The following LCT variants were observed in gnomAD, a reference collection of about 807,000 sequenced individuals.
The protein encoded by LCT is lactase.
A neutral mutation model predicts 173.0 loss-of-function variants in LCT; 90 were observed. The ratio of observed to expected loss-of-function variants is 0.52; its 90% confidence interval spans 0.44 to 0.62. The LOEUF is 0.62. LCT is among the 20% of genes least tolerant of loss of function. The pLI, the probability that LCT is intolerant of heterozygous loss-of-function variation, is 0.00. For synonymous variants in LCT, 853 were observed against 957.6 expected, an observed-to-expected ratio of 0.89 and a Z score of 2.02; for missense variants, 1,864 against 2,431.4, an observed-to-expected ratio of 0.77 and a Z score of 4.91.
At chr2:135,789,184 C>T (rs2077515240) in intron 16 of LCT, among the ~76,000 whole-genome samples, 1 of 152,234 alleles carries the variant, frequency 6.6e-6, no homozygotes, top group Non-Finnish European at 1.5e-5. Flanking sequence ...TATACTCTTA[C>T]ATTTAACAAA....
At chr2:135,829,255 C>T (rs79633114) in intron 3 of LCT, among the ~76,000 whole-genome samples, 26,428 of 151,994 alleles carry the variant, frequency 0.17, 2,627 homozygotes, top group Middle Eastern at 0.4. Flanking sequence ...GGACGCTTAT[C>T]GTTATGGAAC....
chr2:135,798,044 C>T lies in LCT; in HGVS notation c.4961G>A (p.Gly1654Asp). 6.2e-7 allele frequency: 1 copy of T among 1,606,830 alleles called. No individual in the cohort carries two copies. Among genetic ancestry groups the T allele is most frequent in the Non-Finnish European group, 8.5e-7 (1 of 1,173,328 alleles). ...TRIRDRSLAA[G>D]LNKSRLPEFT... Reference sequence around the variant, plus strand: ...AGGCCCTTACCGAGACTTGTTGAGGCCTGCAGCCAAGCTCCTGTCACGGAT... The same window carrying T: ...AGGCCCTTACCGAGACTTGTTGAGGTCTGCAGCCAAGCTCCTGTCACGGAT... Residue 1654 changes from glycine to aspartate, a missense_variant, in exon 13 of 17, where the codon GGC (glycine) becomes GAC (aspartate). By Grantham distance (94) the Gly-to-Asp change is moderately conservative. Coordinates refer to ENST00000264162, the MANE Select transcript of LCT (RefSeq NM_002299.4).
At chr2:135,794,830 A>C (rs2077567008) in intron 13 of LCT, 55 bp from the exon 14 acceptor site, 7 of 1,608,390 alleles carry the variant, frequency 4.4e-6, no homozygotes, top group Non-Finnish European at 5.1e-6. Context: ...TGCTTTGAGA[A>C]GAGAACGTCA....
intron 5 of LCT, among the ~76,000 whole-genome samples, chr2:135,818,800 G>A (rs1041860570): frequency 1.3e-5 from 2 of 152,182 alleles, no homozygotes; most frequent in South Asian, 4.1e-4. Flanking sequence ...TCACGCCATT[G>A]CACTCCAGCC....
chr2:135,832,013 T>C (rs1201978044), intron 2 of LCT, among the ~76,000 whole-genome samples: 1 of 152,138 alleles, frequency 6.6e-6, no homozygotes, highest in African/African-American at 2.4e-5. Flanking sequence ...GGTCAGGAGT[T>C]TGAGACAAGC....
intron 11 of LCT, among the ~76,000 whole-genome samples, chr2:135,802,532 T>C (rs2077635451): frequency 6.6e-6 from 1 of 152,162 alleles, no homozygotes; most frequent in Non-Finnish European, 1.5e-5. Context: ...TATACAGCCA[T>C]AAAGAAGGAT....
chr2:135,802,489 A>G (rs1443503140), intron 11 of LCT, among the ~76,000 whole-genome samples: 1 of 152,274 alleles, frequency 6.6e-6, no homozygotes, highest in Non-Finnish European at 1.5e-5. Context: ...TGAATGGATA[A>G]AGAAAATGTG....
chr2:135,828,997 C>T (rs1021162062), intron 3 of LCT, among the ~76,000 whole-genome samples: 4 of 152,108 alleles, frequency 2.6e-5, no homozygotes, highest in Non-Finnish European at 4.4e-5. Flanking sequence ...TTGAGACCAA[C>T]GTGACCAACA....
intron 7 of LCT, among the ~76,000 whole-genome samples, chr2:135,811,739 C>T (rs1325706561): frequency 6.7e-6 from 1 of 149,544 alleles, no homozygotes; most frequent in Non-Finnish European, 1.5e-5. Flanking sequence ...GGCTTGATGA[C>T]TGCATAGGAC....
intron 12 of LCT, among the ~76,000 whole-genome samples, chr2:135,799,479 C>CTT (rs745994855): frequency 2.1e-5 from 3 of 142,312 alleles, no homozygotes; most frequent in Admixed American, 7.1e-5. Flanking sequence ...CACCTGCTTC[C>CTT]TTTTTTTTTT....
At chr2:135,819,501 T>G (rs1238591391) in intron 5 of LCT, among the ~76,000 whole-genome samples, 1 of 152,180 alleles carries the variant, frequency 6.6e-6, no homozygotes, top group South Asian at 2.1e-4. Flanking sequence ...CGATGGCACC[T>G]ATACCAGGCT....
chr2:135,788,331 G>GA lies in LCT; in HGVS notation c.5776dup (p.Ser1926PhefsTer28). The GA allele has an allele frequency of 1.2e-6, 2 of 1,612,180 alleles. No homozygotes were observed. The highest frequency in any genetic ancestry group is 8.5e-7 in the Non-Finnish European group (1 of 1,178,674). ...ACTTGAGGTGGTAACTCATCAGAAT[G>GA]AAGACACCGGGCTCAATTCCTGTTG... On this transcript the variant is annotated frameshift_variant, in exon 17 of 17. Transcript: ENST00000264162. LOFTEE classifies it high-confidence loss of function.
intron 11 of LCT, 114 bp downstream of exon 11, chr2:135,803,816 G>T: frequency 1.1e-6 from 1 of 919,116 alleles, no homozygotes; most frequent in African/African-American, 1.6e-5. Flanking sequence ...AAGAGGCAGG[G>T]TTTCTGCCAT....
chr2:135,818,762 G>A (rs1466698111), intron 5 of LCT, among the ~76,000 whole-genome samples: 2 of 152,170 alleles, frequency 1.3e-5, no homozygotes, highest in Non-Finnish European at 1.5e-5. Context: ...ACTTGAACCC[G>A]GGAGGCAGAG....
In LCT at chr2:135,808,039, C is replaced by CA. The variant is rs1182380031; in HGVS notation, c.3904+403dup. 1.0e-3 allele frequency among the ~76,000 whole-genome samples: 138 copies of CA among 138,550 alleles called. 1 individual carries two copies. Among genetic ancestry groups the CA allele is most frequent in the African/African-American group, 1.8e-3 (68 of 37,756 alleles). The allele number at this position is 138,550 out of a possible 152,430, so 90.9% of individuals were successfully genotyped here. A position where few individuals can be genotyped will look rare whatever the true frequency, so the allele number is the denominator to read the frequency against. ...TGGGTAACAGAGCAAGACTCCATCT[C>CA]AAAAAAAAAAAAGGAAGTTTGAATT... On this transcript the variant is annotated intron_variant, in intron 8 of 16. Coordinates refer to ENST00000264162, the MANE Select transcript of LCT (RefSeq NM_002299.4).
At chr2:135,805,729 A>G (rs746998073) in intron 9 of LCT, among the ~76,000 whole-genome samples, 3 of 152,220 alleles carry the variant, frequency 2.0e-5, no homozygotes, top group Non-Finnish European at 4.4e-5. Flanking sequence ...CGGACCTGAT[A>G]TATGATGGTG....
intron 11 of LCT, among the ~76,000 whole-genome samples, chr2:135,803,210 G>T (rs1034761307): frequency 6.6e-6 from 1 of 152,154 alleles, no homozygotes; most frequent in Non-Finnish European, 1.5e-5. Flanking sequence ...CCAACACAAA[G>T]AAATGATGAA....
rs745816418 is a variant in LCT at position 135,829,690 on chromosome 2, T to A, written c.721-14A>T. The A allele has an allele frequency of 6.4e-7, 1 of 1,563,032 alleles. No individual in the cohort carries two copies. Among genetic ancestry groups the A allele is most frequent in the South Asian group, 1.1e-5 (1 of 90,030 alleles). On this transcript the variant is annotated splice_polypyrimidine_tract_variant and intron_variant, in intron 2 of 16. Transcript: ENST00000264162. ...ATCGACCGTGTCCTGAAAATAGTAG[T>A]TAAATAGGGTCATTAGAACCTAAGC...
At chr2:135,788,581 C>G (rs72972116) in intron 16 of LCT, 37 bp from the exon 17 acceptor site, 1 of 1,342,844 alleles carries the variant, frequency 7.4e-7, no homozygotes, top group Non-Finnish European at 1.1e-6. Flanking sequence ...GGTGCTCTGG[C>G]GCTGATTTGA....
Sources: allele counts gnomAD v4.1 joint callset (sites outside exome capture counted in the v4.1 genomes callset), GRCh38; gene constraint gnomAD v4.1.1; transcripts MANE v1.5; gene names NCBI Gene and HGNC (gene_info 2026-07-23, HGNC 2026-07-21).